Variants in POP1 observed in about 807,000 individuals in gnomAD.
The protein encoded by POP1 is ribonucleases P/MRP protein subunit POP1.
A neutral mutation model predicts 102.2 loss-of-function variants in POP1; 75 were observed. That is an observed-to-expected ratio of 0.73 (90% CI 0.61 to 0.89). POP1 has a LOEUF of 0.89. Ranked by LOEUF, POP1 falls within the 40% of genes least tolerant of loss-of-function variation. POP1 has a pLI of 0.00. For missense variants in POP1, 1,116 were observed against 1,267.4 expected (o/e 0.88, Z 1.81); for synonymous variants, 436 against 464.1 (o/e 0.94, Z 0.78).
intron 5 of POP1, among the ~76,000 whole-genome samples, chr8:98,131,722 TC>T (rs1816387160): frequency 6.6e-6 from 1 of 152,234 alleles, no homozygotes; most frequent in African/African-American, 2.4e-5. Context: ...CATTTTACAT[TC>T]CCACCAGCAA....
In POP1 at chr8:98,136,654, C is replaced by CAATTAAAAA; in HGVS notation, c.1190_1198dup (p.Lys397_Ile399dup). ...AAAGATGATGGAGAAAATGCTAAAC[C>CAATTAAAAA]AATTAAAAAAATTATCGGTGATGGA... On this transcript the variant is annotated inframe_insertion, in exon 8 of 16. Coordinates refer to ENST00000401707, the MANE Select transcript of POP1 (RefSeq NM_001145860.2). 1 of 1,613,144 alleles carries CAATTAAAAA rather than the reference C, an allele frequency of 6.2e-7. No homozygotes were observed. The highest frequency in any genetic ancestry group is 8.5e-7 in the Non-Finnish European group (1 of 1,179,262).
chr8:98,157,595 G>A (rs372237922), intron 15 of POP1, 22 bp from the exon 16 acceptor site: 19 of 1,613,310 alleles, frequency 1.2e-5, no homozygotes, highest in Admixed American at 3.3e-5. Flanking sequence ...ATCCTCAAAC[G>A]TATGTCTCCA....
At chr8:98,154,670 G>A (rs1474047756) in intron 14 of POP1, among the ~76,000 whole-genome samples, 1 of 152,168 alleles carries the variant, frequency 6.6e-6, no homozygotes, top group African/African-American at 2.4e-5. Flanking sequence ...TCATAGTGGT[G>A]CAGGGGAAGG....
intron 11 of POP1, among the ~76,000 whole-genome samples, chr8:98,146,118 A>T (rs1161386667): frequency 6.6e-6 from 1 of 152,108 alleles, no homozygotes; most frequent in Non-Finnish European, 1.5e-5. Flanking sequence ...TTATTTAGAG[A>T]TGGGGTCTTG....
In POP1 at chr8:98,130,277, A is replaced by G. The variant is rs768078638; in HGVS notation, c.735+51A>G. ...TGTTATTTTTGTTTGATCCTTTTCCATAGAGGCCTTTAGAATAGTTTATGA... is the reference window on the plus strand; with the variant it reads ...TGTTATTTTTGTTTGATCCTTTTCCGTAGAGGCCTTTAGAATAGTTTATGA... On this transcript the variant is annotated intron_variant, in intron 5 of 15. Coordinates refer to ENST00000401707, the MANE Select transcript of POP1 (RefSeq NM_001145860.2). 9 of 1,611,090 alleles carry G rather than the reference A, an allele frequency of 5.6e-6. No homozygotes were observed. In the East Asian group the frequency reaches 8.9e-5, roughly 16 times the overall value.
chr8:98,128,750 C>G (rs769694185), intron 4 of POP1, among the ~76,000 whole-genome samples: 4 of 152,090 alleles, frequency 2.6e-5, no homozygotes, highest in Non-Finnish European at 4.4e-5. Context: ...CTAACCTTGT[C>G]TCTACAAAAA....
intron 2 of POP1, among the ~76,000 whole-genome samples, chr8:98,125,792 G>T (rs542195050): frequency 6.6e-6 from 1 of 152,072 alleles, no homozygotes; most frequent in East Asian, 1.9e-4. Flanking sequence ...CACCCACCTT[G>T]GCCTCCCAAA....
At chr8:98,128,121 T>C (rs1229252361) in intron 3 of POP1, among the ~76,000 whole-genome samples, 1 of 152,200 alleles carries the variant, frequency 6.6e-6, no homozygotes, top group Admixed American at 6.5e-5. Flanking sequence ...CAAACCTTTA[T>C]TTAAAGGGCC....
In POP1 at chr8:98,136,703, CT is replaced by C; in HGVS notation, c.1234del (p.Ser412LeufsTer10). ...GAACTAGAGATCCATGTCTACCATA[CT>C]CTTGGATCTCTCCAACCACAGGCAT... Reference protein sequence around the residue: ...DGTRDPCLPYSWISPTTGIII... With the variant: ...DGTRDPCLPYXWISPTTGIII... On this transcript the variant is annotated frameshift_variant, in exon 8 of 16. Transcript: ENST00000401707. LOFTEE classifies it high-confidence loss of function. 6.2e-7 allele frequency: 1 copy of C among 1,613,492 alleles called. No homozygotes were observed. The highest frequency in any genetic ancestry group is 8.5e-7 in the Non-Finnish European group (1 of 1,179,380).
chr8:98,141,910 G>A lies in POP1; in HGVS notation c.1594+1022G>A, dbSNP rs549510561. On this transcript the variant is annotated intron_variant, in intron 11 of 15. Transcript: ENST00000401707. ...TGTAGTTAGATAGCTTATTGATGGGGCAATAAATTACTCTGTCAGAACTTC... is the reference window on the plus strand; with the variant it reads ...TGTAGTTAGATAGCTTATTGATGGGACAATAAATTACTCTGTCAGAACTTC... Among the ~76,000 whole-genome samples, 36 of 151,690 alleles carry A rather than the reference G, an allele frequency of 2.4e-4. 1 individual carries two copies. The highest frequency in any genetic ancestry group is 3.4e-3 in the Middle Eastern group (1 of 294).
chr8:98,130,216 G>A lies in POP1; in HGVS notation c.725G>A (p.Cys242Tyr), dbSNP rs373854633. 65 of 1,614,140 alleles carry A rather than the reference G, an allele frequency of 4.0e-5. No homozygotes were observed. Among genetic ancestry groups the A allele is most frequent in the Middle Eastern group, 1.6e-4 (1 of 6,062 alleles). The change falls in exon 5 of 16, where the codon TGC (cysteine) becomes TAC (tyrosine). Residue 242 changes from cysteine (C) to tyrosine (Y), a missense_variant. Transcript: ENST00000401707. Reference protein sequence around the residue: ...RACYRAMTNRCLLQDLSYYCC... With the variant: ...RACYRAMTNRYLLQDLSYYCC... Reference sequence around the variant, plus strand: ...TGCTATCGAGCCATGACGAACCGGTGCCTCCTGCAGGTGAGCTTTTCCAGT... The same window carrying A: ...TGCTATCGAGCCATGACGAACCGGTACCTCCTGCAGGTGAGCTTTTCCAGT...
In POP1 at chr8:98,129,510, G is replaced by A. The variant is rs541050046; in HGVS notation, c.487-468G>A. ...TTCCCAGTGATAGCATTCAGCATGT[G>A]TATGTCTGTAGCTTAACTGAGATGA... On this transcript the variant is annotated intron_variant, in intron 4 of 15. Coordinates refer to ENST00000401707, the MANE Select transcript of POP1 (RefSeq NM_001145860.2). Among the ~76,000 whole-genome samples the A allele has an allele frequency of 1.4e-4, 22 of 152,290 alleles. No individual in the cohort carries two copies. In the South Asian group the frequency reaches 4.6e-3, roughly 32 times the overall value.
At chr8:98,154,135 GA>G (rs1314767514) in intron 14 of POP1, among the ~76,000 whole-genome samples, 1 of 152,218 alleles carries the variant, frequency 6.6e-6, no homozygotes, top group Non-Finnish European at 1.5e-5. Context: ...AGACGGAATT[GA>G]GAGGAGAAAC....
chr8:98,143,735 C>T (rs771836955), intron 11 of POP1, among the ~76,000 whole-genome samples: 8 of 152,238 alleles, frequency 5.3e-5, no homozygotes, highest in Middle Eastern at 3.4e-3. Flanking sequence ...CCCTAACTTC[C>T]GATAACCACT....
At chr8:98,133,807 A>T in intron 5 of POP1, 142 bp from the exon 6 acceptor site, 1 of 737,726 alleles carries the variant, frequency 1.4e-6, no homozygotes, top group South Asian at 1.5e-5. Flanking sequence ...GAAGGTTTAG[A>T]TTTTGACTTA....
chr8:98,146,520 C>A, intron 11 of POP1, 48 bp from the exon 12 acceptor site: 1 of 1,360,758 alleles, frequency 7.3e-7, no homozygotes, highest in Non-Finnish European at 1.1e-6. Flanking sequence ...AGTTTGACTT[C>A]ATTGATCTGA....
chr8:98,126,789 G>A (rs893822525), intron 2 of POP1, among the ~76,000 whole-genome samples: 1 of 152,170 alleles, frequency 6.6e-6, no homozygotes, highest in Non-Finnish European at 1.5e-5. Flanking sequence ...CCTTCAGGCT[G>A]TGTATGATAA....
chr8:98,133,981 A>C lies in POP1; in HGVS notation c.768A>C (p.Lys256Asn). Reference sequence around the variant, plus strand: ...CCTATTACTGTTGTTTGGAGTTGAAAGGCAAAGAGGAAGAAATACTAAAGG... The same window carrying C: ...CCTATTACTGTTGTTTGGAGTTGAACGGCAAAGAGGAAGAAATACTAAAGG... Reference protein sequence around the residue: ...DLSYYCCLELKGKEEEILKAL... With the variant: ...DLSYYCCLELNGKEEEILKAL... The change falls in exon 6 of 16, where the codon AAA becomes AAC. Residue 256 changes from lysine (K) to asparagine (N), a missense_variant. Transcript: ENST00000401707. 1 of 1,613,710 alleles carries C rather than the reference A, an allele frequency of 6.2e-7. No individual in the cohort carries two copies. Among genetic ancestry groups the C allele is most frequent in the South Asian group, 1.1e-5 (1 of 91,074 alleles).
intron 15 of POP1, among the ~76,000 whole-genome samples, chr8:98,156,864 C>T (rs1215590404): frequency 6.6e-6 from 1 of 151,146 alleles, no homozygotes; most frequent in Non-Finnish European, 1.5e-5. Context: ...CCAGGTTCTG[C>T]TCATCAGTGA....
Sources: allele counts gnomAD v4.1 joint callset (sites outside exome capture counted in the v4.1 genomes callset), GRCh38; gene constraint gnomAD v4.1.1; transcripts MANE v1.5; gene names NCBI Gene and HGNC (gene_info 2026-07-23, HGNC 2026-07-21).